Variants in SNX27 observed in about 807,000 individuals in gnomAD.
SNX27 encodes sorting nexin 27, also known as sorting nexin-27.
Under a neutral mutation model 71.6 loss-of-function variants are expected in SNX27, and 22 were observed. The observed-to-expected ratio is 0.31, with a 90% CI of 0.22 to 0.44. The LOEUF (loss-of-function observed/expected upper bound fraction) is 0.44. SNX27 is among the 20% of genes least tolerant of loss of function. SNX27 has a pLI of 1.00. For missense variants in SNX27, 531 were observed against 698.6 expected (o/e 0.76, Z 2.70); for synonymous variants, 269 against 277.2 (o/e 0.97, Z 0.29).
At chr1:151,672,906 A>G (rs1453480923) in intron 7 of SNX27, among the ~76,000 whole-genome samples, 1 of 147,636 alleles carries the variant, frequency 6.8e-6, no homozygotes, top group East Asian at 2.0e-4. Flanking sequence ...TTGTCTGTTT[A>G]ACTTTTCAAA....
chr1:151,653,995 G>C (rs1337361473), intron 2 of SNX27, among the ~76,000 whole-genome samples: 1 of 152,044 alleles, frequency 6.6e-6, no homozygotes, highest in African/African-American at 2.4e-5. Flanking sequence ...ACCACGCCAA[G>C]CTAATTTTTG....
chr1:151,624,733 G>T (rs1034243784), intron 1 of SNX27, among the ~76,000 whole-genome samples: 1 of 151,854 alleles, frequency 6.6e-6, no homozygotes, highest in Non-Finnish European at 1.5e-5. Context: ...CGCCCGGCCA[G>T]CTTGATTATA....
rs1667222477 is a variant in SNX27, at chr1:151,612,504, C to T, written c.303C>T (p.Ile101=). 7.2e-7 allele frequency: 1 copy of T among 1,383,362 alleles called. No individual in the cohort carries two copies. The highest frequency in any genetic ancestry group is 9.3e-7 in the Non-Finnish European group (1 of 1,071,790). The allele number at this position is 1,383,362 out of a possible 1,614,324, so 85.7% of individuals were successfully genotyped here. Residue 101 remains isoleucine, a synonymous_variant, in exon 1 of 12, where the codon ATC becomes ATT. Coordinates refer to ENST00000458013, the MANE Select transcript of SNX27 (RefSeq NM_001330723.2). This position sits in a 1 kb window ranked among gnomAD's most constrained non-coding sequence, Gnocchi z 5.2. ...CCGGGGTGCGCAAGGGGGACCGCAT[C>T]CTGGAGGTGTGAGTATCGGGGCTAC... is the stretch of plus-strand genomic sequence containing the variant. ...DRAGVRKGDR[I]LEVNHVNVEG... is the part of the protein sequence containing the mutation.
chr1:151,642,822 A>G (rs968834051), intron 2 of SNX27, among the ~76,000 whole-genome samples: 38 of 151,870 alleles, frequency 2.5e-4, no homozygotes, highest in Non-Finnish European at 4.9e-4. Context: ...TGTATTTTTT[A>G]GTAGAGACGG....
intron 1 of SNX27, among the ~76,000 whole-genome samples, chr1:151,631,448 C>T (rs543857420): frequency 1.8e-4 from 27 of 152,220 alleles, no homozygotes; most frequent in African/African-American, 5.5e-4. Flanking sequence ...TTGTATTTTA[C>T]ATAATGTGCC....
At position 151,692,505 on chromosome 1, in the gene SNX27, G is replaced by A; in HGVS notation, c.1310G>A (p.Arg437Lys). 1 of 1,590,208 alleles carries A rather than the reference G, an allele frequency of 6.3e-7. No individual in the cohort carries two copies. ...TTTCCCCACTGTGCCTGTGACTCCA[G>A]GAGGAAGGGGCACGTTATCACAGCC... is the stretch of plus-strand genomic sequence containing the variant. ...IIFPHCACDS[R>K]RKGHVITAIS... The change falls in exon 9 of 12, where the codon AGG becomes AAG. Residue 437 changes from arginine to lysine, a missense_variant. By Grantham distance (26) the Arg-to-Lys change is conservative. Coordinates refer to ENST00000458013, the MANE Select transcript of SNX27 (RefSeq NM_001330723.2).
chr1:151,646,292 CT>C (rs1558050038), intron 2 of SNX27, among the ~76,000 whole-genome samples: 1 of 152,124 alleles, frequency 6.6e-6, no homozygotes, highest in East Asian at 1.9e-4. Context: ...CTGGGTCTTG[CT>C]TTTTTATCCA....
At chr1:151,641,964 G>GAT (rs35524324) in intron 2 of SNX27, among the ~76,000 whole-genome samples, 16 of 96,652 alleles carry the variant, frequency 1.7e-4, no homozygotes, top group African/African-American at 6.3e-4. Flanking sequence ...ATATATATGA[G>GAT]ATATATATAT....
At chr1:151,659,876 T>C (rs1357070118) in intron 3 of SNX27, 3 of 152,256 alleles carry the variant, frequency 2.0e-5, no homozygotes, top group Non-Finnish European at 2.9e-5. Context: ...TCTAAAATAC[T>C]GGCTTATAGA....
At chr1:151,626,804 C>T (rs1294888689) in intron 1 of SNX27, among the ~76,000 whole-genome samples, 1 of 152,170 alleles carries the variant, frequency 6.6e-6, no homozygotes, top group African/African-American at 2.4e-5. Context: ...GTTTTCTGCT[C>T]ACTTGTATTT....
Position 151,670,838 on chromosome 1 carries a change from ATTAC to A in SNX27, c.1149+2207_1149+2210del, listed in dbSNP as rs985892730. Among the ~76,000 whole-genome samples, 5 of 152,188 alleles carry A rather than the reference ATTAC, an allele frequency of 3.3e-5. No individual in the cohort carries two copies. The East Asian group carries it at 9.6e-4, about 29-fold the overall frequency. On this transcript the variant is annotated intron_variant, in intron 7 of 11. Coordinates refer to ENST00000458013, the MANE Select transcript of SNX27 (RefSeq NM_001330723.2). ...CTTTGGTTGACTGTGCTTGTGGGGT[ATTAC>A]TTAAGAAATCTTTGCCCAGACTCAT...
At chr1:151,674,531 T>C (rs1196466) in intron 7 of SNX27, among the ~76,000 whole-genome samples, 61,755 of 151,940 alleles carry the variant, frequency 0.41, 14,399 homozygotes, top group Non-Finnish European at 0.55. Flanking sequence ...GGTCTTGAAC[T>C]CCTGAGCTCA....
chr1:151,690,764 T>A (rs1671403298), intron 8 of SNX27, among the ~76,000 whole-genome samples: 2 of 152,206 alleles, frequency 1.3e-5, no homozygotes, highest in Non-Finnish European at 2.9e-5. Flanking sequence ...CTGTATTTAA[T>A]GCTCACAAAT....
intron 2 of SNX27, among the ~76,000 whole-genome samples, chr1:151,653,836 G>GTTTTTTTTTTT (rs60604221): frequency 7.7e-6 from 1 of 129,744 alleles, no homozygotes; most frequent in African/African-American, 2.9e-5. Flanking sequence ...AGTTTTTTTT[G>GTTTTTTTTTTT]TTTTTTTTTT....
At chr1:151,617,014 G>T (rs1667451637) in intron 1 of SNX27, among the ~76,000 whole-genome samples, 1 of 152,038 alleles carries the variant, frequency 6.6e-6, no homozygotes, top group Non-Finnish European at 1.5e-5. Context: ...TTATCTTCAT[G>T]ATTATATTGA....
chr1:151,651,167 A>G (rs902523074), intron 2 of SNX27, among the ~76,000 whole-genome samples: 3 of 151,518 alleles, frequency 2.0e-5, no homozygotes, highest in African/African-American at 7.3e-5. Flanking sequence ...CTCACTTCCC[A>G]GTAGGGGCGG....
At chr1:151,636,662 T>G (rs918932415) in intron 1 of SNX27, among the ~76,000 whole-genome samples, 3 of 99,920 alleles carry the variant, frequency 3.0e-5, no homozygotes, top group Non-Finnish European at 6.5e-5. Flanking sequence ...TTTTTCCACT[T>G]TTGTAAAAAA....
intron 2 of SNX27, among the ~76,000 whole-genome samples, chr1:151,651,057 G>A (rs1462034004): frequency 4.6e-5 from 7 of 151,738 alleles, no homozygotes; most frequent in Non-Finnish European, 7.4e-5. Context: ...CACCTTTCCC[G>A]CCTTTCTATT....
intron 5 of SNX27, among the ~76,000 whole-genome samples, chr1:151,663,505 T>G (rs1449101700): frequency 6.6e-6 from 1 of 152,116 alleles, no homozygotes; most frequent in African/African-American, 2.4e-5. Flanking sequence ...TCTCCCCATT[T>G]TTTTTTTCAT....
Sources: gnomAD v4.1 joint callset for allele counts (sites outside exome capture counted in the v4.1 genomes callset) on GRCh38, gnomAD v4.1.1 for gene constraint, Gnocchi (gnomAD v3.1) non-coding constraint, MANE v1.5 for transcripts, NCBI Gene and HGNC (gene_info 2026-07-23, HGNC 2026-07-21) for gene names.